The following CHST9 variants were observed in gnomAD, a reference collection of about 807,000 sequenced individuals.
CHST9 encodes the protein GalNAc-4-sulfotransferase 2.
A neutral mutation model predicts 44.4 loss-of-function variants in CHST9; 41 were observed. That is an observed-to-expected ratio of 0.92 (90% CI 0.72 to 1.20). The LOEUF is 1.20. Among genes scored for constraint, CHST9 ranks in the 50% most tolerant of loss-of-function variants. The pLI is 0.00. For synonymous variants in CHST9, 171 were observed against 178.4 expected (o/e 0.96, Z 0.33); for missense variants, 504 against 516.5 (o/e 0.98, Z 0.23).
At chr18:27,056,084 A>G (rs1376850255) in intron 2 of CHST9, among the ~76,000 whole-genome samples, 1 of 152,152 alleles carries the variant, frequency 6.6e-6, no homozygotes, top group African/African-American at 2.4e-5. Flanking sequence ...TTAGTCAATT[A>G]TTGTTTATCA....
At chr18:27,051,260 T>C (rs1303759951) in intron 2 of CHST9, among the ~76,000 whole-genome samples, 1 of 150,668 alleles carries the variant, frequency 6.6e-6, no homozygotes, top group Non-Finnish European at 1.5e-5. Flanking sequence ...AATTGTTTTT[T>C]TAAAGATTAG....
chr18:27,117,469 T>C (rs1274976853), intron 2 of CHST9, among the ~76,000 whole-genome samples: 2 of 152,214 alleles, frequency 1.3e-5, no homozygotes. Flanking sequence ...AATAAATGTA[T>C]AACAACATAT....
rs1453864771 is a variant in CHST9, at chr18:26,909,235, T to G, written c.*7024A>C. On this transcript the variant is annotated 3_prime_UTR_variant, in exon 6 of 6. Coordinates refer to ENST00000618847, the MANE Select transcript of CHST9 (RefSeq NM_031422.6). The stretch of plus-strand genomic sequence containing the variant: ...ACTGACAATTCTCTGAGCTGAGAGT[T>G]GTTAACTTTTCAACACAGTGACAGA... 1 of 152,196 alleles carries G rather than the reference T, an allele frequency of 6.6e-6. No homozygotes were observed. The highest frequency in any genetic ancestry group is 1.9e-4 in the East Asian group (1 of 5,198). The allele number at this position is 152,196 out of a possible 1,614,324, so 9.4% of individuals were successfully genotyped here.
intron 1 of CHST9, among the ~76,000 whole-genome samples, chr18:27,157,293 A>C (rs1203649177): frequency 6.6e-6 from 1 of 152,170 alleles, no homozygotes; most frequent in African/African-American, 2.4e-5. Flanking sequence ...ATACAACAGT[A>C]AAATTCAATG....
chr18:27,072,652 A>G (rs986496883), intron 2 of CHST9, among the ~76,000 whole-genome samples: 1 of 152,118 alleles, frequency 6.6e-6, no homozygotes, highest in Non-Finnish European at 1.5e-5. Context: ...GATCCAGAAA[A>G]TCAGGTCAGA....
At chr18:27,167,338 A>C (rs1264867863) in intron 1 of CHST9, among the ~76,000 whole-genome samples, 1 of 152,136 alleles carries the variant, frequency 6.6e-6, no homozygotes, top group African/African-American at 2.4e-5. Context: ...CTGCAACCTA[A>C]TGTCCAACTG....
intron 4 of CHST9, among the ~76,000 whole-genome samples, chr18:27,014,576 C>A (rs2057128028): frequency 6.7e-6 from 1 of 148,932 alleles, no homozygotes; most frequent in Non-Finnish European, 1.5e-5. Context: ...CCTCAAACTG[C>A]TCCATTAGAA....
At chr18:26,973,851 A>G (rs1447059968) in intron 4 of CHST9, among the ~76,000 whole-genome samples, 2 of 152,202 alleles carry the variant, frequency 1.3e-5, no homozygotes, top group Non-Finnish European at 2.9e-5. Flanking sequence ...TACGGGCTCA[A>G]GGAATATTTT....
chr18:27,145,605 G>A (rs1210351632), intron 1 of CHST9, among the ~76,000 whole-genome samples: 3 of 152,184 alleles, frequency 2.0e-5, no homozygotes, highest in African/African-American at 7.2e-5. Flanking sequence ...TGAGGAAGGG[G>A]CAACTGTTTA....
At chr18:27,154,093 C>A (rs961033069) in intron 1 of CHST9, among the ~76,000 whole-genome samples, 11 of 152,102 alleles carry the variant, frequency 7.2e-5, no homozygotes, top group African/African-American at 2.4e-4. Flanking sequence ...CAAGCCAATA[C>A]ATTTTTATTT....
At chr18:27,000,374 G>T (rs545800042) in intron 4 of CHST9, among the ~76,000 whole-genome samples, 3 of 152,356 alleles carry the variant, frequency 2.0e-5, no homozygotes, top group Middle Eastern at 6.8e-3. Flanking sequence ...GATGAGTTAA[G>T]TGGCAAAGGT....
intron 4 of CHST9, among the ~76,000 whole-genome samples, chr18:27,022,484 A>C (rs1464818069): frequency 1.3e-5 from 2 of 152,046 alleles, no homozygotes; most frequent in Admixed American, 1.3e-4. Context: ...TCTTTCTCTA[A>C]ACTCCAATTA....
chr18:27,023,693 A>G (rs527313923), intron 4 of CHST9, among the ~76,000 whole-genome samples: 1 of 152,374 alleles, frequency 6.6e-6, no homozygotes, highest in South Asian at 2.1e-4. Flanking sequence ...AGAATTCTGT[A>G]TTAGCAGTAT....
intron 2 of CHST9, among the ~76,000 whole-genome samples, chr18:27,075,163 GT>G (rs1193050675): frequency 3.9e-5 from 5 of 129,144 alleles, no homozygotes; most frequent in Admixed American, 1.6e-4. Flanking sequence ...TTTTTTGTTT[GT>G]TTTTTTTGTT....
intron 1 of CHST9, among the ~76,000 whole-genome samples, chr18:27,164,060 C>T (rs2058770258): frequency 6.6e-6 from 1 of 151,930 alleles, no homozygotes; most frequent in Non-Finnish European, 1.5e-5. Context: ...TTCATAGATA[C>T]CAGAAAGAAG....
rs2055554278 is a variant in CHST9, at chr18:26,917,325, T to A, written c.266A>T (p.Asp89Val). ...AAGATTTTCCTTTTTTTCTCGTACA[T>A]CCTCAGGCATGTGAAACTTGGGGTT... ...NQNPKFHMPE[D>V]VREKKENLLL... is the part of the protein sequence containing the mutation. The change falls in exon 6 of 6, where the codon GAT becomes GTT. Residue 89 changes from aspartate to valine, a missense_variant. Physicochemically the swap from Asp to Val is radical, Grantham distance 152. Coordinates refer to ENST00000618847, the MANE Select transcript of CHST9 (RefSeq NM_031422.6). The A allele has an allele frequency of 6.2e-7, 1 of 1,610,720 alleles. No individual in the cohort carries two copies. Among genetic ancestry groups the A allele is most frequent in the Non-Finnish European group, 8.5e-7 (1 of 1,178,900 alleles).
chr18:26,969,464 G>A (rs2056513331), intron 4 of CHST9, among the ~76,000 whole-genome samples: 1 of 151,996 alleles, frequency 6.6e-6, no homozygotes, highest in South Asian at 2.1e-4. Context: ...ACCTTGGGTT[G>A]TGAGTATATA....
At chr18:27,178,673 G>A (rs1325361546) in intron 1 of CHST9, among the ~76,000 whole-genome samples, 1 of 149,246 alleles carries the variant, frequency 6.7e-6, no homozygotes, top group Non-Finnish European at 1.5e-5. Context: ...GAGAAGAGAT[G>A]TTGGTGTGCT....
At chr18:27,155,253 T>A (rs111762765) in intron 1 of CHST9, among the ~76,000 whole-genome samples, 10 of 152,310 alleles carry the variant, frequency 6.6e-5, no homozygotes, top group African/African-American at 2.2e-4. Context: ...ATTAAGATGT[T>A]AGTATCTTTA....
Sources: allele counts gnomAD v4.1 joint callset (sites outside exome capture counted in the v4.1 genomes callset), GRCh38; gene constraint gnomAD v4.1.1; transcripts MANE v1.5; gene names NCBI Gene and HGNC (gene_info 2026-07-23, HGNC 2026-07-21).